Variants in CACNG3 observed in about 807,000 individuals in gnomAD.
CACNG3 encodes calcium voltage-gated channel auxiliary subunit gamma 3, also known as voltage-dependent calcium channel gamma-3 subunit.
A neutral mutation model predicts 28.5 loss-of-function variants in CACNG3; 3 were observed. The ratio of observed to expected loss-of-function variants is 0.11; its 90% confidence interval spans 0.05 to 0.27. CACNG3 has a LOEUF of 0.27. Ranked by LOEUF, CACNG3 falls within the 10% of genes least tolerant of loss-of-function variation. CACNG3 has a pLI of 1.00. For missense variants in CACNG3, 236 were observed against 414.4 expected, an observed-to-expected ratio of 0.57 and a Z score of 3.74; for synonymous variants, 174 against 162.2, an observed-to-expected ratio of 1.07 and a Z score of -0.55.
chr16:24,357,189 G>A (rs1004618160), intron 3 of CACNG3, among the ~76,000 whole-genome samples: 2 of 141,874 alleles, frequency 1.4e-5, no homozygotes, highest in South Asian at 2.3e-4. Flanking sequence ...AGCCAAGGTC[G>A]CCCCACTGCA....
chr16:24,281,568 T>C (rs1436107077), intron 1 of CACNG3, among the ~76,000 whole-genome samples: 2 of 152,138 alleles, frequency 1.3e-5, no homozygotes, highest in Non-Finnish European at 2.9e-5. Flanking sequence ...GGCAAAAGTC[T>C]CATTGCATTT....
intron 1 of CACNG3, among the ~76,000 whole-genome samples, chr16:24,300,502 A>G (rs74723656): frequency 1.3e-5 from 2 of 152,218 alleles, no homozygotes; most frequent in South Asian, 2.1e-4. Flanking sequence ...AATGTTGGCT[A>G]TGATTGTCAA....
intron 1 of CACNG3, among the ~76,000 whole-genome samples, chr16:24,276,444 C>A (rs568267582): frequency 1.2e-3 from 184 of 152,276 alleles, no homozygotes; most frequent in Middle Eastern, 3.4e-3. Flanking sequence ...ATTTGAGAGC[C>A]TCTGCTACAG....
intron 1 of CACNG3, among the ~76,000 whole-genome samples, chr16:24,301,588 G>A (rs1335478396): frequency 6.6e-6 from 1 of 152,136 alleles, no homozygotes; most frequent in Non-Finnish European, 1.5e-5. Flanking sequence ...CATTCTCTAA[G>A]GTTGCCATTG....
intron 2 of CACNG3, among the ~76,000 whole-genome samples, chr16:24,354,308 A>G (rs1397201057): frequency 6.6e-6 from 1 of 152,166 alleles, no homozygotes; most frequent in Non-Finnish European, 1.5e-5. Context: ...CCTTGGGTGC[A>G]GGGACATTCT....
chr16:24,279,466 TTTA>T lies in CACNG3; in HGVS notation c.211+22516_211+22518del, dbSNP rs960079854. Among the ~76,000 whole-genome samples the T allele has an allele frequency of 2.6e-5, 4 of 151,768 alleles. No homozygotes were observed. In the East Asian group the frequency reaches 7.8e-4, roughly 30 times the overall value. ...GCACCGCTACACCTGGCTAATTTTG[TTTA>T]TTATTATTATTATTTTGTAGAGAGA... On this transcript the variant is annotated intron_variant, in intron 1 of 3. Coordinates refer to ENST00000005284, the MANE Select transcript of CACNG3 (RefSeq NM_006539.4).
intron 1 of CACNG3, among the ~76,000 whole-genome samples, chr16:24,328,255 C>G (rs1366968527): frequency 6.6e-6 from 1 of 151,908 alleles, no homozygotes; most frequent in Non-Finnish European, 1.5e-5. Context: ...ATAGAAATTA[C>G]TCAAATGCAG....
intron 1 of CACNG3, among the ~76,000 whole-genome samples, chr16:24,296,680 G>A (rs1596632132): frequency 6.6e-6 from 1 of 152,174 alleles, no homozygotes; most frequent in South Asian, 2.1e-4. Context: ...AACTACTACT[G>A]TGTCTGAATA....
chr16:24,276,335 G>A (rs11640324), intron 1 of CACNG3, among the ~76,000 whole-genome samples: 30,691 of 151,978 alleles, frequency 0.2, 3,592 homozygotes, highest in Non-Finnish European at 0.28. Flanking sequence ...ATTTTAGGGG[G>A]GTTTTAATTT....
intron 1 of CACNG3, among the ~76,000 whole-genome samples, chr16:24,297,077 C>A (rs892287589): frequency 1.3e-5 from 2 of 151,996 alleles, no homozygotes; most frequent in East Asian, 3.9e-4. Context: ...AAAGCGAGAT[C>A]CTGTTTCCAC....
At chr16:24,332,754 A>G (rs1899647898) in intron 1 of CACNG3, among the ~76,000 whole-genome samples, 1 of 152,080 alleles carries the variant, frequency 6.6e-6, no homozygotes, top group African/African-American at 2.4e-5. Context: ...TGACCGGACC[A>G]GTTATAAAAT....
intron 1 of CACNG3, among the ~76,000 whole-genome samples, chr16:24,285,699 A>G (rs1046649423): frequency 2.6e-5 from 4 of 151,934 alleles, no homozygotes; most frequent in African/African-American, 7.2e-5. Context: ...ATAAGTAATT[A>G]TATATCTAAT....
chr16:24,311,172 G>A (rs1486282406), intron 1 of CACNG3, among the ~76,000 whole-genome samples: 2 of 152,352 alleles, frequency 1.3e-5, no homozygotes, highest in East Asian at 3.9e-4. Context: ...AACGCGGACA[G>A]TGTTAATATC....
intron 1 of CACNG3, among the ~76,000 whole-genome samples, chr16:24,322,784 T>A (rs1301694434): frequency 6.6e-6 from 1 of 152,186 alleles, no homozygotes; most frequent in Non-Finnish European, 1.5e-5. Context: ...TGATTATGTC[T>A]ATAATCTAAA....
chr16:24,361,902 T>TG lies in CACNG3; in HGVS notation c.*44dup. The TG allele has an allele frequency of 2.6e-6, 4 of 1,559,694 alleles. No homozygotes were observed. Among genetic ancestry groups the TG allele is most frequent in the Non-Finnish European group, 2.6e-6 (3 of 1,157,496 alleles). ...CTCTGCCCCACGCCCAGCACAGCCT[T>TG]GGGGGAAGTGTACAGAGATGTCTCT... On this transcript the variant is annotated 3_prime_UTR_variant, in exon 4 of 4. Transcript: ENST00000005284. This position sits in a 1 kb window ranked among gnomAD's most constrained non-coding sequence, Gnocchi z 6.8.
intron 1 of CACNG3, among the ~76,000 whole-genome samples, chr16:24,260,816 C>G (rs994315887): frequency 6.6e-6 from 1 of 152,196 alleles, no homozygotes; most frequent in African/African-American, 2.4e-5. Flanking sequence ...CCAACAAGAA[C>G]GCCCAACTCA....
At chr16:24,266,293 G>C (rs1241379674) in intron 1 of CACNG3, among the ~76,000 whole-genome samples, 2 of 152,240 alleles carry the variant, frequency 1.3e-5, no homozygotes, top group Non-Finnish European at 2.9e-5. Context: ...GGCAGCTGGT[G>C]TTGGGAGTTT....
At chr16:24,350,861 G>A (rs1367786593) in intron 2 of CACNG3, among the ~76,000 whole-genome samples, 1 of 152,122 alleles carries the variant, frequency 6.6e-6, no homozygotes, top group Non-Finnish European at 1.5e-5. Flanking sequence ...ATTTGCAAGG[G>A]CCCAAGGCAA....
chr16:24,284,543 T>C (rs946538682), intron 1 of CACNG3, among the ~76,000 whole-genome samples: 22 of 152,362 alleles, frequency 1.4e-4, no homozygotes, highest in African/African-American at 4.6e-4. Flanking sequence ...GCATTTATAA[T>C]TGGTGTCATT....
Sources: gnomAD v4.1 joint callset for allele counts (sites outside exome capture counted in the v4.1 genomes callset) on GRCh38, gnomAD v4.1.1 for gene constraint, Gnocchi (gnomAD v3.1) non-coding constraint, MANE v1.5 for transcripts, NCBI Gene and HGNC (gene_info 2026-07-23, HGNC 2026-07-21) for gene names.